MVB12B: variants seen among roughly 807,000 people sequenced by gnomAD.
MVB12B encodes multivesicular body subunit 12B, also known as ESCRT-I complex subunit MVB12B.
Under a neutral mutation model 41.6 loss-of-function variants are expected in MVB12B, and 16 were observed. The ratio of observed to expected loss-of-function variants is 0.38; its 90% CI spans 0.26 to 0.58. The LOEUF is 0.58. MVB12B is among the 20% of genes least tolerant of loss of function. MVB12B has a pLI of 0.62. For missense variants in MVB12B, 274 were observed against 380.2 expected, an observed-to-expected ratio of 0.72 and a Z score of 2.32; for synonymous variants, 133 against 139.7, an observed-to-expected ratio of 0.95 and a Z score of 0.34.
At chr9:126,369,998 G>C (rs1043243965) in intron 2 of MVB12B, among the ~76,000 whole-genome samples, 1 of 151,882 alleles carries the variant, frequency 6.6e-6, no homozygotes, top group African/African-American at 2.4e-5. Flanking sequence ...ATTTTTCCTT[G>C]CTGATACAGC....
At chr9:126,426,500 G>A (rs933209360) in intron 7 of MVB12B, among the ~76,000 whole-genome samples, 1 of 152,044 alleles carries the variant, frequency 6.6e-6, no homozygotes, top group African/African-American at 2.4e-5. Context: ...ACTCTTAGTG[G>A]CTGTTACTTT....
chr9:126,491,436 T>A (rs1833729800), intron 9 of MVB12B, among the ~76,000 whole-genome samples: 1 of 152,192 alleles, frequency 6.6e-6, no homozygotes, highest in Non-Finnish European at 1.5e-5. Flanking sequence ...AAGAATTTTG[T>A]GGCGCGAACT....
In MVB12B at chr9:126,459,264, C is replaced by A. The variant is rs1204134291; in HGVS notation, c.758-22105C>A. ...CCTGCTGAGTGGTGCCAGTGCAGGCCTCCCCTTGACTGACACATGGCTCCC... is the reference window on the plus strand; with the variant it reads ...CCTGCTGAGTGGTGCCAGTGCAGGCATCCCCTTGACTGACACATGGCTCCC... On this transcript the variant is annotated intron_variant, in intron 7 of 9. Transcript: ENST00000361171. This position sits in a 1 kb window ranked among gnomAD's most constrained non-coding sequence, Gnocchi z 4.3. Among the ~76,000 whole-genome samples, 2 of 152,190 alleles carry A rather than the reference C, an allele frequency of 1.3e-5. No individual in the cohort carries two copies. The highest frequency in any genetic ancestry group is 6.5e-5 in the Admixed American group (1 of 15,286).
chr9:126,503,716 A>C lies in MVB12B; in HGVS notation c.*453A>C. On this transcript the variant is annotated 3_prime_UTR_variant, in exon 10 of 10. Transcript: ENST00000361171. ...CTGAGGGCCGGCAGCTTTGCCTAGG[A>C]CTCTCCAGGGTCGCTGATCCTCCCC... 5.4e-6 allele frequency: 1 copy of C among 183,914 alleles called. No individual in the cohort carries two copies. The highest frequency in any genetic ancestry group is 1.1e-5 in the Non-Finnish European group (1 of 88,686). The allele number at this position is 183,914 out of a possible 1,614,324, so 11.4% of individuals were successfully genotyped here.
At chr9:126,481,283 T>C in intron 7 of MVB12B, 86 bp from the exon 8 acceptor site, 1 of 1,127,268 alleles carries the variant, frequency 8.9e-7, no homozygotes, top group East Asian at 2.3e-5. Context: ...GGATTCATAT[T>C]CTCTGTTTCG....
rs145661262 is a variant in MVB12B at position 126,502,841 on chromosome 9, C to T, written c.874-336C>T. On this transcript the variant is annotated intron_variant, in intron 9 of 9. Coordinates refer to ENST00000361171, the MANE Select transcript of MVB12B (RefSeq NM_033446.3). Reference sequence around the variant, plus strand: ...CCGCTGGGTGGGAGGCCATGACAGTCAGCACGGGCCTGGCAGATGGGCGGC... The same window carrying T: ...CCGCTGGGTGGGAGGCCATGACAGTTAGCACGGGCCTGGCAGATGGGCGGC... Among the ~76,000 whole-genome samples the T allele has an allele frequency of 4.0e-3, 603 of 152,356 alleles. 3 individuals are homozygous for T. The highest frequency in any genetic ancestry group is 0.014 in the African/African-American group (583 of 41,590).
At chr9:126,409,546 C>G (rs557875042) in intron 6 of MVB12B, among the ~76,000 whole-genome samples, 1 of 152,338 alleles carries the variant, frequency 6.6e-6, no homozygotes, top group East Asian at 1.9e-4. Context: ...GGCTTTCTGT[C>G]TGTGTCCAGG....
At chr9:126,443,612 C>G (rs773954084) in intron 7 of MVB12B, among the ~76,000 whole-genome samples, 2 of 152,158 alleles carry the variant, frequency 1.3e-5, no homozygotes, top group Non-Finnish European at 2.9e-5. Context: ...CCCAGAGAAA[C>G]AGTATTTCAG....
intron 6 of MVB12B, among the ~76,000 whole-genome samples, chr9:126,410,622 C>T (rs948467029): frequency 9.9e-5 from 15 of 152,174 alleles, no homozygotes; most frequent in Non-Finnish European, 1.0e-4. Flanking sequence ...TGGAAAGCCC[C>T]TCCCAGCCAT....
intron 1 of MVB12B, among the ~76,000 whole-genome samples, chr9:126,338,557 G>A (rs1332604907): frequency 6.9e-6 from 1 of 145,336 alleles, no homozygotes; most frequent in African/African-American, 2.6e-5. Flanking sequence ...CTCTCTGATA[G>A]TAGAGGCCAT....
chr9:126,505,732 CTCGTG>C lies in MVB12B; in HGVS notation c.*2470_*2474del, dbSNP rs1834056120. On this transcript the variant is annotated 3_prime_UTR_variant, in exon 10 of 10. Coordinates refer to ENST00000361171, the MANE Select transcript of MVB12B (RefSeq NM_033446.3). ...TGTGTATAAGCCCACCTGAGTGGGG[CTCGTG>C]CAGGAGAACTGAGGCATGAAACTCT... is the stretch of plus-strand genomic sequence containing the variant. The C allele has an allele frequency of 6.6e-6, 1 of 152,020 alleles. No individual in the cohort carries two copies. The highest frequency in any genetic ancestry group is 2.4e-5 in the African/African-American group (1 of 41,376). The allele number at this position is 152,020 out of a possible 1,614,324, so 9.4% of individuals were successfully genotyped here.
rs137919879 is a variant in MVB12B, at chr9:126,422,464, C to G, written c.757+516C>G. On this transcript the variant is annotated intron_variant, in intron 7 of 9. Coordinates refer to ENST00000361171, the MANE Select transcript of MVB12B (RefSeq NM_033446.3). ...AGTGTTACCTTGGCAGGAACTTCAT[C>G]AGTCCTAGTTTTCCTTTTCACCTTC... 3.6e-3 allele frequency among the ~76,000 whole-genome samples: 552 copies of G among 152,340 alleles called. 2 individuals are homozygous for G. Among genetic ancestry groups the G allele is most frequent in the African/African-American group, 0.013 (531 of 41,576 alleles).
intron 7 of MVB12B, among the ~76,000 whole-genome samples, chr9:126,431,863 A>G (rs894407336): frequency 6.6e-6 from 1 of 152,124 alleles, no homozygotes; most frequent in Non-Finnish European, 1.5e-5. Context: ...TGCAGTAACA[A>G]TATCGATCAT....
At chr9:126,359,132 A>G (rs1238821072) in intron 2 of MVB12B, among the ~76,000 whole-genome samples, 1 of 151,364 alleles carries the variant, frequency 6.6e-6, no homozygotes, top group African/African-American at 2.4e-5. Context: ...AGCTTCCCAG[A>G]GTGCTAGGAT....
At chr9:126,410,888 C>CT (rs770993852) in intron 6 of MVB12B, among the ~76,000 whole-genome samples, 1,917 of 133,788 alleles carry the variant, frequency 0.014, 45 homozygotes, top group African/African-American at 0.037. Context: ...TTGGTTATTT[C>CT]TTTTTTTTTT....
At chr9:126,338,846 A>G (rs1829360183) in intron 1 of MVB12B, among the ~76,000 whole-genome samples, 2 of 152,222 alleles carry the variant, frequency 1.3e-5, no homozygotes, top group Non-Finnish European at 1.5e-5. Flanking sequence ...TACTGGGGAC[A>G]TGCACTAAGT....
At chr9:126,360,798 GATTA>G (rs771684401) in intron 2 of MVB12B, among the ~76,000 whole-genome samples, 2 of 152,152 alleles carry the variant, frequency 1.3e-5, no homozygotes, top group East Asian at 3.8e-4. Flanking sequence ...ATGTCCTCGT[GATTA>G]ATTGACCCCT....
intron 2 of MVB12B, among the ~76,000 whole-genome samples, chr9:126,379,279 G>A (rs572124032): frequency 1.3e-4 from 20 of 152,148 alleles, no homozygotes; most frequent in Non-Finnish European, 2.4e-4. Context: ...TGCCTTTTTC[G>A]TGTGAAGGGG....
At chr9:126,455,043 G>T (rs995302090) in intron 7 of MVB12B, among the ~76,000 whole-genome samples, 2 of 152,150 alleles carry the variant, frequency 1.3e-5, no homozygotes, top group African/African-American at 4.8e-5. Context: ...TCCTGGCAGG[G>T]CTACCTGGGC....
Sources: gnomAD v4.1 joint callset for allele counts (sites outside exome capture counted in the v4.1 genomes callset) on GRCh38, gnomAD v4.1.1 for gene constraint, Gnocchi (gnomAD v3.1) non-coding constraint, MANE v1.5 for transcripts, NCBI Gene and HGNC (gene_info 2026-07-23, HGNC 2026-07-21) for gene names.